Variants in DCAF8L2 observed in about 807,000 individuals in gnomAD.
DCAF8L2 encodes the protein DDB1- and CUL4-associated factor 8-like protein 2.
For missense variants in DCAF8L2, 430 were observed against 490.7 expected, an observed-to-expected ratio of 0.88 and a Z score of 1.17; for synonymous variants, 200 against 190.9, an observed-to-expected ratio of 1.05 and a Z score of -0.39.
At chrX:27,726,093 T>C (rs997247948) in intron 4 of DCAF8L2, among the ~76,000 whole-genome samples, 4 of 111,468 alleles carry the variant, frequency 3.6e-5, no homozygotes, top group African/African-American at 9.7e-5. Context: ...TATCACAACA[T>C]AGACCAAAAA....
chrX:27,627,936 A>C (rs1928110784), intron 1 of DCAF8L2, among the ~76,000 whole-genome samples: 1 of 108,438 alleles, frequency 9.2e-6, no homozygotes, highest in Admixed American at 9.8e-5. Flanking sequence ...AAAAAAAAAA[A>C]AAACAATGAA....
In DCAF8L2 at chrX:27,679,937, A is replaced by G. The variant is rs150359188; in HGVS notation, c.-143+2025A>G. ...ACAACATTAAATGGTACATTTCTCA[A>G]ATATCTCAAGGGGTCCCCCAAGAAT... On this transcript the variant is annotated intron_variant, in intron 3 of 4. Coordinates refer to ENST00000451261, the MANE Select transcript of DCAF8L2 (RefSeq NM_001353450.2). Among the ~76,000 whole-genome samples, 486 of 111,903 alleles carry G rather than the reference A, an allele frequency of 4.3e-3. 2 individuals carry two copies. Among genetic ancestry groups the G allele is most frequent in the Middle Eastern group, 0.032 (7 of 217 alleles).
intron 1 of DCAF8L2, among the ~76,000 whole-genome samples, chrX:27,613,565 T>C (rs1461393832): frequency 1.8e-5 from 2 of 111,381 alleles, no homozygotes; most frequent in African/African-American, 6.5e-5. Flanking sequence ...TTTTGCCCAT[T>C]CAGTATGATA....
chrX:27,526,313 G>A, the DCAF8L2 span, among the ~76,000 whole-genome samples: 9 of 111,504 alleles, frequency 8.1e-5, no homozygotes, highest in Non-Finnish European at 1.5e-4. Context: ...CTAGTTGATC[G>A]AATCAGCTAC....
chrX:27,481,421 C>T, the DCAF8L2 span, among the ~76,000 whole-genome samples: 2 of 110,923 alleles, frequency 1.8e-5, no homozygotes, highest in Non-Finnish European at 3.8e-5. Flanking sequence ...GAATTTTCAT[C>T]TTTATCATAA....
At chrX:27,741,340 C>T (rs774641980) in intron 4 of DCAF8L2, among the ~76,000 whole-genome samples, 1 of 110,793 alleles carries the variant, frequency 9.0e-6, no homozygotes, top group African/African-American at 3.3e-5. Flanking sequence ...CTCTCCCTCT[C>T]CTCCCCTCCC....
intron 4 of DCAF8L2, among the ~76,000 whole-genome samples, chrX:27,739,194 C>T (rs1479801726): frequency 9.0e-6 from 1 of 111,040 alleles, no homozygotes; most frequent in Non-Finnish European, 1.9e-5. Context: ...GTTGTCTCTC[C>T]TCGCTCACCA....
the DCAF8L2 span, among the ~76,000 whole-genome samples, chrX:27,488,733 T>C: frequency 1.8e-5 from 2 of 111,472 alleles, no homozygotes; most frequent in South Asian, 7.5e-4. Context: ...TACAGCTCAC[T>C]GCAGCCACCA....
intron 3 of DCAF8L2, among the ~76,000 whole-genome samples, chrX:27,678,509 A>G (rs1055397131): frequency 6.2e-5 from 7 of 112,608 alleles, no homozygotes; most frequent in African/African-American, 1.9e-4. Context: ...TTAAAAAGGA[A>G]TAAGATTCTG....
chrX:27,629,984 C>T (rs1381084711), intron 1 of DCAF8L2, among the ~76,000 whole-genome samples: 2 of 111,319 alleles, frequency 1.8e-5, no homozygotes, highest in Non-Finnish European at 3.8e-5. Context: ...TTTTTTTTAT[C>T]AATCTTTTGT....
At chrX:27,606,517 C>T (rs1471975829) in intron 1 of DCAF8L2, among the ~76,000 whole-genome samples, 1 of 103,184 alleles carries the variant, frequency 9.7e-6, no homozygotes, top group Admixed American at 1.1e-4. Context: ...ATTACAGGTG[C>T]CTGCCACCAC....
intron 1 of DCAF8L2, among the ~76,000 whole-genome samples, chrX:27,606,549 T>G (rs1926914689): frequency 9.6e-6 from 1 of 104,300 alleles, no homozygotes; most frequent in Non-Finnish European, 1.9e-5. Context: ...GTTTGTATTT[T>G]TAGTAGAGAC....
At chrX:27,598,577 G>A (rs1926472786) in intron 1 of DCAF8L2, among the ~76,000 whole-genome samples, 1 of 112,285 alleles carries the variant, frequency 8.9e-6, no homozygotes, top group Admixed American at 9.5e-5. Context: ...TGTAACAAAT[G>A]TAAAAGAGTA....
the DCAF8L2 span, among the ~76,000 whole-genome samples, chrX:27,542,582 G>A: frequency 1.6e-4 from 11 of 69,409 alleles, no homozygotes; most frequent in Admixed American, 7.7e-4. Flanking sequence ...TCGCTCTGTC[G>A]CCCAGGCTGG....
chrX:27,495,059 A>G, the DCAF8L2 span, among the ~76,000 whole-genome samples: 11 of 110,639 alleles, frequency 9.9e-5, no homozygotes, highest in Non-Finnish European at 2.1e-4. Flanking sequence ...CTTTATATGT[A>G]TTTTTTGTTT....
At chrX:27,535,633 C>T in the DCAF8L2 span, among the ~76,000 whole-genome samples, 1 of 111,828 alleles carries the variant, frequency 8.9e-6, no homozygotes, top group Non-Finnish European at 1.9e-5. Flanking sequence ...TCATATTCTT[C>T]GGAGCCATCC....
chrX:27,636,788 C>A (rs1928520056), intron 2 of DCAF8L2, among the ~76,000 whole-genome samples: 1 of 111,937 alleles, frequency 8.9e-6, no homozygotes, highest in Non-Finnish European at 1.9e-5. Flanking sequence ...GAAAAAAAAT[C>A]TTATTTACAA....
chrX:27,534,208 CA>C, the DCAF8L2 span, among the ~76,000 whole-genome samples: 811 of 82,972 alleles, frequency 9.8e-3, 4 homozygotes, highest in African/African-American at 0.03. Context: ...GACCCTGTCT[CA>C]AAAAAAAAAA....
At chrX:27,472,818 T>C in the DCAF8L2 span, among the ~76,000 whole-genome samples, 2 of 112,073 alleles carry the variant, frequency 1.8e-5, no homozygotes, top group Non-Finnish European at 3.8e-5. Flanking sequence ...TTATGTTTGC[T>C]TTAAATAGAG....
Sources: allele counts gnomAD v4.1 joint callset (sites outside exome capture counted in the v4.1 genomes callset), GRCh38; gene constraint gnomAD v4.1.1; transcripts MANE v1.5; gene names NCBI Gene and HGNC (gene_info 2026-07-23, HGNC 2026-07-21).